SATB2: variants seen among roughly 807,000 people sequenced by gnomAD.
SATB2 encodes DNA-binding protein SATB2.
In SATB2, 1 loss-of-function variant was observed where a neutral mutation model predicts 73.4. That is an observed-to-expected ratio of 0.01 (90% CI 0.00 to 0.06). The LOEUF (loss-of-function observed/expected upper bound fraction) is 0.06. SATB2 is among the 10% of genes least tolerant of loss of function. The pLI is 1.00. For synonymous variants in SATB2, 397 were observed against 367.0 expected, an observed-to-expected ratio of 1.08 and a Z score of -0.93; for missense variants, 459 against 945.8, an observed-to-expected ratio of 0.49 and a Z score of 6.75.
intron 10 of SATB2, among the ~76,000 whole-genome samples, chr2:199,298,507 C>A (rs1445613589): frequency 6.6e-6 from 1 of 152,096 alleles, no homozygotes; most frequent in East Asian, 1.9e-4. Context: ...TTACATTGTA[C>A]TGAAATATTT....
At chr2:199,295,264 G>A (rs1435952331) in intron 10 of SATB2, among the ~76,000 whole-genome samples, 1 of 152,048 alleles carries the variant, frequency 6.6e-6, no homozygotes, top group Non-Finnish European at 1.5e-5. Flanking sequence ...AATCAGTTCT[G>A]GAAACACCTG....
chr2:199,431,860 T>C (rs1427003072), intron 3 of SATB2, among the ~76,000 whole-genome samples: 1 of 152,198 alleles, frequency 6.6e-6, no homozygotes, highest in Non-Finnish European at 1.5e-5. Flanking sequence ...GTGCAAGCAG[T>C]GGGATACAAT....
chr2:199,386,716 GCACACACACA>G (rs61568459), intron 3 of SATB2, among the ~76,000 whole-genome samples: 68 of 9,160 alleles, frequency 7.4e-3, no homozygotes, highest in South Asian at 0.019. Context: ...GCGCGCGCGC[GCACACACACA>G]CACACACACA....
chr2:199,308,636 G>T lies in SATB2; in HGVS notation c.1740+124C>A. ...TGTGACGACAGCGTCTTCTGTACTT[G>T]GGGACCTGGCATGAGACACCCTCTG... On this transcript the variant is annotated intron_variant, in intron 10 of 10. Transcript: ENST00000417098. The surrounding 1 kb of genome is among the most constrained non-coding windows in gnomAD (Gnocchi z 4.6). The T allele has an allele frequency of 1.3e-6, 1 of 774,460 alleles. No homozygotes were observed. The highest frequency in any genetic ancestry group is 2.2e-6 in the Non-Finnish European group (1 of 450,108). 48.0% of individuals were successfully genotyped at this position (774,460 alleles called of 1,614,324 possible). A position where few individuals can be genotyped will look rare whatever the true frequency, so the allele number is the denominator to read the frequency against.
chr2:199,285,809 T>C (rs1196434881), intron 10 of SATB2, among the ~76,000 whole-genome samples: 5 of 142,242 alleles, frequency 3.5e-5, no homozygotes, highest in Non-Finnish European at 7.6e-5. Flanking sequence ...GAGAAATCAA[T>C]ACAAACAAGC....
At position 199,457,928 on chromosome 2, in the gene SATB2, A is replaced by G. The variant is rs1017662912; in HGVS notation, c.-649T>C. ...CTCTCGGCCGCCTCTGCCAGCAGCC[A>G]GAGCCGGACTCACTGACAAGCCGCA... On this transcript the variant is annotated 5_prime_UTR_variant, in exon 1 of 11. Coordinates refer to ENST00000417098, the MANE Select transcript of SATB2 (RefSeq NM_001172509.2). The surrounding 1 kb of genome is among the most constrained non-coding windows in gnomAD (Gnocchi z 4.8). 1 of 152,760 alleles carries G rather than the reference A, an allele frequency of 6.5e-6. No individual in the cohort carries two copies. The highest frequency in any genetic ancestry group is 2.4e-5 in the African/African-American group (1 of 41,434). The allele number at this position is 152,760 out of a possible 1,614,324, so 9.5% of individuals were successfully genotyped here. A position where few individuals can be genotyped will look rare whatever the true frequency, so the allele number is the denominator to read the frequency against.
At position 199,269,678 on chromosome 2, in the gene SATB2, ATTTG is replaced by A. The variant is rs1271437634; in HGVS notation, c.*2529_*2532del. 31 of 124,200 alleles carry A rather than the reference ATTTG, an allele frequency of 2.5e-4. No individual in the cohort carries two copies. The highest frequency in any genetic ancestry group is 8.5e-4 in the African/African-American group (29 of 34,226). The allele number at this position is 124,200 out of a possible 1,614,324, so 7.7% of individuals were successfully genotyped here. ...ATTGTTGATACCGCAATAAAACACA[ATTTG>A]TTTTTTTCATTTCACAAAAAAAAAA... On this transcript the variant is annotated 3_prime_UTR_variant, in exon 11 of 11. Transcript: ENST00000417098.
chr2:199,364,683 G>C (rs977786648), intron 6 of SATB2, among the ~76,000 whole-genome samples: 1 of 152,062 alleles, frequency 6.6e-6, no homozygotes, highest in Non-Finnish European at 1.5e-5. Flanking sequence ...CTGTATTTGT[G>C]TAAACTTTCA....
chr2:199,430,236 G>A (rs993698144), intron 3 of SATB2, among the ~76,000 whole-genome samples: 1 of 152,214 alleles, frequency 6.6e-6, no homozygotes, highest in Non-Finnish European at 1.5e-5. Context: ...TTTTAAGTTG[G>A]GAGAGTGGGG....
intron 10 of SATB2, among the ~76,000 whole-genome samples, chr2:199,295,386 T>A (rs1260103179): frequency 2.0e-5 from 3 of 152,086 alleles, no homozygotes; most frequent in Admixed American, 6.6e-5. Context: ...ACTCAGTGTT[T>A]CGCTGGCAAA....
At chr2:199,309,174 G>A (rs1199594576) in intron 9 of SATB2, among the ~76,000 whole-genome samples, 1 of 152,148 alleles carries the variant, frequency 6.6e-6, no homozygotes, top group Non-Finnish European at 1.5e-5. Context: ...GTTAGATATC[G>A]TATCACCCTG....
At chr2:199,301,719 G>A (rs144380579) in intron 10 of SATB2, among the ~76,000 whole-genome samples, 2 of 152,272 alleles carry the variant, frequency 1.3e-5, no homozygotes, top group East Asian at 1.9e-4. Context: ...AGCACGAACC[G>A]TGGGCAGGCC....
chr2:199,455,930 C>T lies in SATB2; in HGVS notation c.108G>A (p.Gln36=). The T allele has an allele frequency of 1.3e-6, 2 of 1,537,818 alleles. No homozygotes were observed. Among genetic ancestry groups the T allele is most frequent in the Non-Finnish European group, 1.7e-6 (2 of 1,147,492 alleles). The change falls in exon 2 of 11, where the codon CAG becomes CAA. Residue 36 remains glutamine (Q), a synonymous_variant. Transcript: ENST00000417098. This position sits in a 1 kb window ranked among gnomAD's most constrained non-coding sequence, Gnocchi z 4.1. ...CGCGGGCTCCCATGGGGCTGCCGTT[C>T]TGCTCCAGCCGGGCCACCTTCACTG... ...PPPVKVARLE[Q]NGSPMGARGR... is the part of the protein sequence containing the mutation.
Position 199,270,579 on chromosome 2 carries a change from C to T in SATB2, c.*1632G>A, listed in dbSNP as rs1692123834. The T allele has an allele frequency of 6.6e-6, 1 of 151,636 alleles. No individual in the cohort carries two copies. The highest frequency in any genetic ancestry group is 2.4e-5 in the African/African-American group (1 of 41,230). The allele number at this position is 151,636 out of a possible 1,614,324, so 9.4% of individuals were successfully genotyped here. A position where few individuals can be genotyped will look rare whatever the true frequency, so the allele number is the denominator to read the frequency against. On this transcript the variant is annotated 3_prime_UTR_variant, in exon 11 of 11. Coordinates refer to ENST00000417098, the MANE Select transcript of SATB2 (RefSeq NM_001172509.2). The stretch of plus-strand genomic sequence containing the variant: ...CAGTTTAAAGCATGGATTACGTTCA[C>T]TAGGCCAGTCCTGAATGTGAGGTCT...
chr2:199,466,120 C>G (rs144931893), upstream of SATB2, among the ~76,000 whole-genome samples: 510 of 152,288 alleles, frequency 3.3e-3, 2 homozygotes, highest in African/African-American at 0.012. Context: ...AGGTAACTTC[C>G]GGAGACCCGG....
chr2:199,414,629 G>C (rs1030610056), intron 3 of SATB2, among the ~76,000 whole-genome samples: 4 of 152,140 alleles, frequency 2.6e-5, no homozygotes, highest in African/African-American at 9.7e-5. Flanking sequence ...TTTGACACCA[G>C]AACAAGTGAT....
rs886234564 is a variant in SATB2, at chr2:199,319,716, C to T, written c.1542+4087G>A. Among the ~76,000 whole-genome samples, 60 of 151,404 alleles carry T rather than the reference C, an allele frequency of 4.0e-4. 1 individual carries two copies. Among genetic ancestry groups the T allele is most frequent in the African/African-American group, 1.1e-3 (45 of 41,234 alleles). On this transcript the variant is annotated intron_variant, in intron 9 of 10. Transcript: ENST00000417098. The stretch of plus-strand genomic sequence containing the variant: ...AATCACATATGTAGTGTTGAGTCTT[C>T]GGGTATACAAATAATAATAATAAAT...
At position 199,380,324 on chromosome 2, in the gene SATB2, GCTT is replaced by G. The variant is rs754000353; in HGVS notation, c.597+37_597+39del. Reference sequence around the variant, plus strand: ...CCCCCTGATAGAGAGTCTACCAATGGCTTCTTCTGTTTCCCAGACCCCCACCTG... The same window carrying G: ...CCCCCTGATAGAGAGTCTACCAATGGCTTCTGTTTCCCAGACCCCCACCTG... On this transcript the variant is annotated intron_variant, in intron 5 of 10. Coordinates refer to ENST00000417098, the MANE Select transcript of SATB2 (RefSeq NM_001172509.2). 8.7e-6 allele frequency: 14 copies of G among 1,613,296 alleles called. No individual in the cohort carries two copies. In the African/African-American group the frequency reaches 1.7e-4, roughly 20 times the overall value.
intron 6 of SATB2, among the ~76,000 whole-genome samples, chr2:199,358,016 T>C (rs1326668503): frequency 6.6e-6 from 1 of 152,182 alleles, no homozygotes; most frequent in Non-Finnish European, 1.5e-5. Context: ...CGTAACAATT[T>C]TGACCTACAA....
Sources: gnomAD v4.1 joint callset for allele counts (sites outside exome capture counted in the v4.1 genomes callset) on GRCh38, gnomAD v4.1.1 for gene constraint, Gnocchi (gnomAD v3.1) non-coding constraint, MANE v1.5 for transcripts, NCBI Gene and HGNC (gene_info 2026-07-23, HGNC 2026-07-21) for gene names.